The following BCL11A variants were observed in gnomAD, a reference collection of about 807,000 sequenced individuals.
BCL11A encodes BCL11 transcription factor A, also known as B cell CLL/lymphoma 11A.
BCL11A carries 2 observed loss-of-function variants against 55.9 expected under a neutral mutation model. That is an observed-to-expected ratio of 0.04 (90% CI 0.01 to 0.11). BCL11A has a LOEUF of 0.11. Ranked by LOEUF, BCL11A falls within the 10% of genes least tolerant of loss-of-function variation. The pLI is 1.00. For synonymous variants in BCL11A, 465 were observed against 473.4 expected (o/e 0.98, Z 0.23); for missense variants, 817 against 1,137.1 (o/e 0.72, Z 4.05).
chr2:60,531,662 G>C (rs1669462171), intron 2 of BCL11A, among the ~76,000 whole-genome samples: 2 of 152,146 alleles, frequency 1.3e-5, no homozygotes, highest in Non-Finnish European at 2.9e-5. Flanking sequence ...TTAAACTCAA[G>C]AGCGTGTTTT....
Position 60,553,482 on chromosome 2 carries a change from CAAAAAAAAAAAAAA to C in BCL11A, c.-226_-213del, listed in dbSNP as rs756699731. 6.3e-4 allele frequency: 22 copies of C among 35,184 alleles called. No homozygotes were observed. The highest frequency in any genetic ancestry group is 4.4e-3 in the South Asian group (2 of 456). The allele number at this position is 35,184 out of a possible 1,614,324, so 2.2% of individuals were successfully genotyped here. A position where few individuals can be genotyped will look rare whatever the true frequency, so the allele number is the denominator to read the frequency against. Reference sequence around the variant, plus strand: ...AGAGCCGTCATGGCTTTTTTTTAAGCAAAAAAAAAAAAAAAAAAAAAAAAAAAAAGAGGGAGAGA... The same window carrying C: ...AGAGCCGTCATGGCTTTTTTTTAAGCAAAAAAAAAAAAAAAGAGGGAGAGA... On this transcript the variant is annotated 5_prime_UTR_variant, in exon 1 of 4. Coordinates refer to ENST00000642384, the MANE Select transcript of BCL11A (RefSeq NM_022893.4).
At chr2:60,550,399 C>T (rs1239962497) in intron 1 of BCL11A, among the ~76,000 whole-genome samples, 1 of 152,182 alleles carries the variant, frequency 6.6e-6, no homozygotes, top group Non-Finnish European at 1.5e-5. Context: ...ACCGTTCTTT[C>T]CCCCCACCCC....
chr2:60,513,881 C>G (rs1668604765), intron 2 of BCL11A, among the ~76,000 whole-genome samples: 1 of 152,222 alleles, frequency 6.6e-6, no homozygotes, highest in Non-Finnish European at 1.5e-5. Context: ...TCCAGACAGG[C>G]ACCTCCATGA....
At chr2:60,499,415 A>G (rs1339014183) in intron 2 of BCL11A, among the ~76,000 whole-genome samples, 1 of 152,062 alleles carries the variant, frequency 6.6e-6, no homozygotes, top group East Asian at 1.9e-4. Context: ...TCTAAGTGAT[A>G]TTTCTTCCCA....
chr2:60,550,081 G>A (rs72964457), intron 1 of BCL11A, among the ~76,000 whole-genome samples: 4,013 of 152,102 alleles, frequency 0.026, 164 homozygotes, highest in African/African-American at 0.091. Flanking sequence ...GCTTTGCATG[G>A]GGGTGAGGGG....
At chr2:60,500,029 T>C (rs1041474124) in intron 2 of BCL11A, 1 of 152,638 alleles carries the variant, frequency 6.6e-6, no homozygotes, top group Non-Finnish European at 1.5e-5. Flanking sequence ...GGTGTTTGTC[T>C]CCTGTCTGCT....
intron 2 of BCL11A, chr2:60,535,949 A>G (rs1030039568): frequency 6.6e-6 from 1 of 152,148 alleles, no homozygotes; most frequent in Admixed American, 6.5e-5. Flanking sequence ...ATGCTAACTC[A>G]CACCTTGCTA....
chr2:60,496,059 G>A (rs1164307044), intron 2 of BCL11A, among the ~76,000 whole-genome samples: 1 of 152,214 alleles, frequency 6.6e-6, no homozygotes, highest in East Asian at 1.9e-4. Flanking sequence ...TATGTGAAAA[G>A]TCAATTGATA....
chr2:60,480,154 G>T (rs921313399), intron 2 of BCL11A, among the ~76,000 whole-genome samples: 1 of 152,212 alleles, frequency 6.6e-6, no homozygotes, highest in Non-Finnish European at 1.5e-5. Context: ...AGGTGGGGGT[G>T]GAGGAGCTGG....
In BCL11A at chr2:60,553,315, G is replaced by T; in HGVS notation, c.-45C>A. 6.6e-7 allele frequency: 1 copy of T among 1,514,974 alleles called. No individual in the cohort carries two copies. Among genetic ancestry groups the T allele is most frequent in the East Asian group, 2.4e-5 (1 of 40,970 alleles). 93.8% of individuals were successfully genotyped at this position (1,514,974 alleles called of 1,614,324 possible). A position where few individuals can be genotyped will look rare whatever the true frequency, so the allele number is the denominator to read the frequency against. On this transcript the variant is annotated 5_prime_UTR_variant, in exon 1 of 4. Transcript: ENST00000642384. The stretch of plus-strand genomic sequence containing the variant: ...GGCGGCGGCGGCGGCGGCGGCGGCG[G>T]GCGGACGACGGCTCGGTTCACATCG...
intron 2 of BCL11A, chr2:60,542,066 T>A: frequency 1.8e-6 from 1 of 567,594 alleles, no homozygotes; most frequent in Non-Finnish European, 3.1e-6. Context: ...TTCTTTAGAG[T>A]ATCTGTCTGA....
At chr2:60,480,900 A>G (rs1677913559) in intron 2 of BCL11A, among the ~76,000 whole-genome samples, 1 of 152,090 alleles carries the variant, frequency 6.6e-6, no homozygotes, top group African/African-American at 2.4e-5. Flanking sequence ...AGTGTGAAGT[A>G]CCTCCGCTTG....
At chr2:60,552,555 A>G (rs1330101485) in intron 1 of BCL11A, among the ~76,000 whole-genome samples, 1 of 152,124 alleles carries the variant, frequency 6.6e-6, no homozygotes. Flanking sequence ...TCCCGGTCCC[A>G]CGGCTCTCCC....
chr2:60,451,857 TATA>T (rs1214948292), exon 5 of BCL11A: 2 of 228,402 alleles, frequency 8.8e-6, no homozygotes, highest in East Asian at 1.2e-4. Context: ...GTATGCAAAT[TATA>T]AGTCAGACAG....
chr2:60,461,502 G>T lies in BCL11A; in HGVS notation c.1410C>A (p.Phe470Leu). ...SSALKSVVAK[F>L]KSENDPNLIP... Reference sequence around the variant, plus strand: ...TCAGGTTGGGGTCGTTCTCGCTCTTGAACTTGGCCACCACGGACTTGAGCG... The same window carrying T: ...TCAGGTTGGGGTCGTTCTCGCTCTTTAACTTGGCCACCACGGACTTGAGCG... Residue 470 changes from phenylalanine (F) to leucine (L), a missense_variant, in exon 4 of 4, where the codon TTC (phenylalanine) becomes TTA (leucine). Around this residue, in one of 4 missense-constraint regions of BCL11A, gnomAD observed 379 missense variants for 425.3 expected, o/e 0.89. Coordinates refer to ENST00000642384, the MANE Select transcript of BCL11A (RefSeq NM_022893.4). 6.2e-7 allele frequency: 1 copy of T among 1,606,310 alleles called. No homozygotes were observed. Among genetic ancestry groups the T allele is most frequent in the Non-Finnish European group, 8.5e-7 (1 of 1,179,918 alleles).
chr2:60,496,090 G>A lies in BCL11A; in HGVS notation c.386-27257C>T, dbSNP rs981975124. On this transcript the variant is annotated intron_variant, in intron 2 of 3. Transcript: ENST00000642384. ...TGATAATGAAGGCTTTAGGATAACC[G>A]GAGGGGAGATGATTGAAAGCAATGC... Among the ~76,000 whole-genome samples, 8 of 152,214 alleles carry A rather than the reference G, an allele frequency of 5.3e-5. No homozygotes were observed. The South Asian group carries it at 8.3e-4, about 16-fold the overall frequency.
At chr2:60,532,976 T>C (rs992778587) in intron 2 of BCL11A, 2 of 152,254 alleles carry the variant, frequency 1.3e-5, no homozygotes, top group African/African-American at 4.8e-5. Flanking sequence ...TTGACATTTA[T>C]ACAGTTTCTC....
At chr2:60,538,739 CTGTGTG>C (rs777467539) in intron 2 of BCL11A, among the ~76,000 whole-genome samples, 7,034 of 67,034 alleles carry the variant, frequency 0.1, 226 homozygotes, top group African/African-American at 0.15. Context: ...CTCTCTCTCT[CTGTGTG>C]TGTGTGTGTG....
chr2:60,470,700 A>T (rs1367956160), intron 2 of BCL11A, among the ~76,000 whole-genome samples: 1 of 152,172 alleles, frequency 6.6e-6, no homozygotes, highest in Non-Finnish European at 1.5e-5. Context: ...CTACAAACCC[A>T]TTAGCCCTAA....
Sources: allele counts gnomAD v4.1 joint callset (sites outside exome capture counted in the v4.1 genomes callset), GRCh38; gene constraint gnomAD v4.1.1; regional missense constraint gnomAD v4.1.1; transcripts MANE v1.5; gene names NCBI Gene and HGNC (gene_info 2026-07-23, HGNC 2026-07-21).